Variants in PDE1C observed in about 807,000 individuals in gnomAD.
The protein encoded by PDE1C is dual specificity calcium/calmodulin-dependent 3',5'-cyclic nucleotide phosphodiesterase 1C.
Under a neutral mutation model 93.1 loss-of-function variants are expected in PDE1C, and 62 were observed. That is an observed-to-expected ratio of 0.67 (90% CI 0.54 to 0.82). PDE1C has a LOEUF of 0.82. Ranked by LOEUF, PDE1C falls within the 40% of genes least tolerant of loss-of-function variation. The probability of loss-of-function intolerance (pLI) is 0.00; values close to 1 mark genes in which losing one functional copy is unlikely to be tolerated. For missense variants in PDE1C, 742 were observed against 884.6 expected (o/e 0.84, Z 2.04); for synonymous variants, 325 against 310.1 (o/e 1.05, Z -0.50).
chr7:31,790,370 T>C, intron 16 of PDE1C: 1 of 836,616 alleles, frequency 1.2e-6, no homozygotes, highest in South Asian at 1.5e-5. Context: ...AAAAATGGGA[T>C]AACCAATTAA....
chr7:31,805,868 C>T (rs772228382), intron 16 of PDE1C, among the ~76,000 whole-genome samples: 2 of 151,872 alleles, frequency 1.3e-5, no homozygotes, highest in African/African-American at 4.8e-5. Flanking sequence ...AATCGTAGGG[C>T]TCATTTCATT....
At chr7:31,810,685 T>C (rs570168707) in intron 15 of PDE1C, among the ~76,000 whole-genome samples, 3 of 152,164 alleles carry the variant, frequency 2.0e-5, no homozygotes, top group Non-Finnish European at 2.9e-5. Context: ...ATACATTTCA[T>C]ACCCCACCCT....
At chr7:31,678,055 C>G in the PDE1C span, among the ~76,000 whole-genome samples, 48 of 152,040 alleles carry the variant, frequency 3.2e-4, no homozygotes, top group Non-Finnish European at 4.7e-4. Context: ...CACAAATATA[C>G]ACATAAACTT....
At chr7:32,091,768 T>C (rs1383586730) in intron 3 of PDE1C, among the ~76,000 whole-genome samples, 1 of 152,184 alleles carries the variant, frequency 6.6e-6, no homozygotes, top group East Asian at 1.9e-4. Context: ...TGAGGACTCA[T>C]TGCAAGACTT....
At chr7:31,854,925 G>A (rs1174335842) in intron 7 of PDE1C, among the ~76,000 whole-genome samples, 1 of 151,986 alleles carries the variant, frequency 6.6e-6, no homozygotes, top group East Asian at 1.9e-4. Flanking sequence ...AAATCAGCCG[G>A]GTGTGCTGGC....
intron 1 of PDE1C, among the ~76,000 whole-genome samples, chr7:32,357,827 G>A (rs1784061383): frequency 6.6e-6 from 1 of 152,140 alleles, no homozygotes; most frequent in South Asian, 2.1e-4. Flanking sequence ...ACATCAGCTG[G>A]CATTTTCCTG....
At chr7:31,685,123 G>GAA in the PDE1C span, among the ~76,000 whole-genome samples, 3 of 140,936 alleles carry the variant, frequency 2.1e-5, no homozygotes, top group Non-Finnish European at 3.1e-5. Context: ...AATGCTGAGT[G>GAA]AAAAAAAAAA....
chr7:31,627,019 C>T, the PDE1C span, among the ~76,000 whole-genome samples: 4 of 152,236 alleles, frequency 2.6e-5, no homozygotes, highest in African/African-American at 7.2e-5. Context: ...GTCTAAAACA[C>T]ATATGTTGAG....
intron 1 of PDE1C, among the ~76,000 whole-genome samples, chr7:32,220,387 G>A (rs1342939924): frequency 6.6e-6 from 1 of 152,168 alleles, no homozygotes; most frequent in African/African-American, 2.4e-5. Context: ...AGATGAGGAA[G>A]GTGAAATTTA....
At chr7:31,872,411 TA>T (rs768355375) in intron 6 of PDE1C, among the ~76,000 whole-genome samples, 1 of 152,146 alleles carries the variant, frequency 6.6e-6, no homozygotes, top group Non-Finnish European at 1.5e-5. Context: ...ATAGAAATGA[TA>T]AATAATGCGG....
the PDE1C span, chr7:31,642,044 T>C: frequency 3.9e-6 from 2 of 518,128 alleles, no homozygotes; most frequent in Non-Finnish European, 6.8e-6. Context: ...AATTCCCTCA[T>C]TTGTTTTTTC....
intron 15 of PDE1C, among the ~76,000 whole-genome samples, chr7:31,814,402 G>T (rs1304524485): frequency 1.3e-5 from 2 of 151,962 alleles, no homozygotes; most frequent in East Asian, 3.9e-4. Flanking sequence ...CGGGACAATG[G>T]CCTTCTGTGC....
chr7:31,805,819 A>T (rs1328682244), intron 16 of PDE1C, among the ~76,000 whole-genome samples: 1 of 151,846 alleles, frequency 6.6e-6, no homozygotes, highest in Non-Finnish European at 1.5e-5. Flanking sequence ...ACTCCTCTCT[A>T]TGCTGCCTGG....
chr7:31,765,645 G>A (rs545866063), intron 17 of PDE1C, among the ~76,000 whole-genome samples: 31 of 152,258 alleles, frequency 2.0e-4, no homozygotes, highest in African/African-American at 7.5e-4. Context: ...AGTGGGATAG[G>A]CTTCAATCCA....
At chr7:31,923,999 T>C (rs1345328329) in intron 2 of PDE1C, among the ~76,000 whole-genome samples, 1 of 152,198 alleles carries the variant, frequency 6.6e-6, no homozygotes, top group African/African-American at 2.4e-5. Flanking sequence ...ATCTCATTCC[T>C]GTGTAGCTCT....
chr7:32,335,627 C>T (rs1056477381), intron 1 of PDE1C, among the ~76,000 whole-genome samples: 2 of 152,154 alleles, frequency 1.3e-5, no homozygotes, highest in Admixed American at 1.3e-4. Flanking sequence ...GACCTAATCT[C>T]TTCTTCTCAT....
At chr7:32,026,869 T>C (rs902149995) in intron 2 of PDE1C, among the ~76,000 whole-genome samples, 2 of 152,016 alleles carry the variant, frequency 1.3e-5, no homozygotes, top group Non-Finnish European at 2.9e-5. Flanking sequence ...TGAAAAGACA[T>C]AGAGAAAACA....
At chr7:32,029,730 A>G (rs1290364660) in intron 2 of PDE1C, among the ~76,000 whole-genome samples, 1 of 152,146 alleles carries the variant, frequency 6.6e-6, no homozygotes, top group Non-Finnish European at 1.5e-5. Flanking sequence ...GGTTTAAAAA[A>G]TTGTGTAAAT....
chr7:31,908,193 T>TCA (rs10688920), intron 2 of PDE1C, among the ~76,000 whole-genome samples: 144,591 of 152,188 alleles, frequency 0.95, 69,116 homozygotes, highest in East Asian at 1. Flanking sequence ...ATTAGTAATA[T>TCA]GTCATTAGTA....
Sources: gnomAD v4.1 joint callset for allele counts (sites outside exome capture counted in the v4.1 genomes callset) on GRCh38, gnomAD v4.1.1 for gene constraint, MANE v1.5 for transcripts, NCBI Gene and HGNC (gene_info 2026-07-23, HGNC 2026-07-21) for gene names.